Variants in ABI3BP observed in about 807,000 individuals in gnomAD.
ABI3BP encodes the protein target of Nesh-SH3.
Under a neutral mutation model 268.6 loss-of-function variants are expected in ABI3BP, and 216 were observed. That is an observed-to-expected ratio of 0.80 (90% CI 0.72 to 0.90). ABI3BP has a LOEUF of 0.90. Ranked by LOEUF, ABI3BP falls within the 40% of genes least tolerant of loss-of-function variation. The pLI is 0.00. For missense variants in ABI3BP, 2,090 were observed against 2,182.4 expected (o/e 0.96, Z 0.84); for synonymous variants, 730 against 730.0 (o/e 1.00, Z 0.00).
At chr3:100,896,794 G>T (rs1004585776) in intron 4 of ABI3BP, among the ~76,000 whole-genome samples, 1 of 152,096 alleles carries the variant, frequency 6.6e-6, no homozygotes, top group Admixed American at 6.5e-5. Context: ...ATAAGTCATG[G>T]GATTAGTGGT....
At chr3:100,922,748 T>C (rs1258199200) in intron 2 of ABI3BP, among the ~76,000 whole-genome samples, 1 of 152,180 alleles carries the variant, frequency 6.6e-6, no homozygotes, top group African/African-American at 2.4e-5. Flanking sequence ...ACCTTGATTT[T>C]AGCTCAGTGA....
At chr3:100,852,953 G>A (rs1503842) in intron 14 of ABI3BP, among the ~76,000 whole-genome samples, 35,900 of 152,088 alleles carry the variant, frequency 0.24, 4,409 homozygotes, top group South Asian at 0.31. Flanking sequence ...ATTATTACGA[G>A]GTAGATGTTG....
rs978373519 is a variant in ABI3BP at position 100,993,329 on chromosome 3, C to T, written c.56G>A (p.Gly19Glu). 2.6e-6 allele frequency: 4 copies of T among 1,552,388 alleles called. No homozygotes were observed. Among genetic ancestry groups the T allele is most frequent in the Admixed American group, 2.0e-5 (1 of 51,216 alleles). Residue 19 changes from glycine to glutamate, a missense_variant, in exon 1 of 68, where the codon GGA (glycine) becomes GAA (glutamate). By Grantham distance (98) the Gly-to-Glu change is moderately conservative (BLOSUM62 -2). Coordinates refer to ENST00000471714, the MANE Select transcript of ABI3BP (RefSeq NM_001375547.2). ...LLCGSITLALGNAQKLPKGKR... is the reference protein window; with the variant it reads ...LLCGSITLALENAQKLPKGKR... The stretch of plus-strand genomic sequence containing the variant: ...GCCTTTTGGCAATTTCTGTGCATTT[C>T]CCAGGGCTAGTGTAATACTTCCACA...
intron 1 of ABI3BP, among the ~76,000 whole-genome samples, chr3:100,934,512 TG>T (rs1171563303): frequency 6.6e-6 from 1 of 152,200 alleles, no homozygotes; most frequent in Non-Finnish European, 1.5e-5. Context: ...ATGGGATTGC[TG>T]GGTCAAATGG....
At chr3:100,823,236 C>T (rs1291773275) in intron 37 of ABI3BP, among the ~76,000 whole-genome samples, 2 of 152,034 alleles carry the variant, frequency 1.3e-5, no homozygotes, top group East Asian at 1.9e-4. Flanking sequence ...AAACAAAACA[C>T]AGAATAACAT....
At chr3:100,877,623 C>T (rs1237522016) in intron 6 of ABI3BP, among the ~76,000 whole-genome samples, 3 of 152,100 alleles carry the variant, frequency 2.0e-5, no homozygotes, top group African/African-American at 7.2e-5. Context: ...AAGGATAAGA[C>T]AGACTTAGAG....
intron 63 of ABI3BP, among the ~76,000 whole-genome samples, chr3:100,755,364 GT>G (rs1273974715): frequency 1.3e-5 from 2 of 152,194 alleles, no homozygotes; most frequent in African/African-American, 4.8e-5. Flanking sequence ...ACACATAAAT[GT>G]TTCTTTGCAA....
intron 63 of ABI3BP, among the ~76,000 whole-genome samples, chr3:100,760,888 T>G (rs1039111683): frequency 1.3e-5 from 2 of 152,096 alleles, no homozygotes; most frequent in African/African-American, 4.8e-5. Flanking sequence ...GAGGGTTTTT[T>G]TTTTAAATTT....
At chr3:100,817,249 AAAT>A in intron 42 of ABI3BP, among the ~76,000 whole-genome samples, 184 bp downstream of exon 42, 1 of 152,332 alleles carries the variant, frequency 6.6e-6, no homozygotes, top group Non-Finnish European at 1.5e-5. Context: ...TAGCTTTTGA[AAAT>A]AATAGGTAAC....
chr3:100,829,768 T>G (rs1026065185), intron 32 of ABI3BP, 104 bp from the exon 33 acceptor site: 1 of 939,548 alleles, frequency 1.1e-6, no homozygotes, highest in Non-Finnish European at 1.6e-6. Flanking sequence ...ATGTTTCTTT[T>G]GGGTTTGAAA....
intron 3 of ABI3BP, among the ~76,000 whole-genome samples, chr3:100,900,323 CT>C (rs2049677721): frequency 6.6e-6 from 1 of 152,164 alleles, no homozygotes; most frequent in Admixed American, 6.5e-5. Context: ...GTGATCTTCC[CT>C]TTTCAATTCC....
At chr3:100,785,867 G>T (rs752345593) in intron 57 of ABI3BP, among the ~76,000 whole-genome samples, 1 of 152,074 alleles carries the variant, frequency 6.6e-6, no homozygotes, top group Non-Finnish European at 1.5e-5. Flanking sequence ...TTAAAATTTT[G>T]TCTAGGTTGT....
chr3:100,840,760 C>T, intron 22 of ABI3BP, 60 bp downstream of exon 22: 1 of 1,399,424 alleles, frequency 7.1e-7, no homozygotes, highest in Non-Finnish European at 9.7e-7. Flanking sequence ...AGTCTGTCAA[C>T]ACAGATACCA....
intron 43 of ABI3BP, chr3:100,816,229 T>C: frequency 4.1e-6 from 2 of 483,406 alleles, no homozygotes; most frequent in Non-Finnish European, 7.2e-6. Flanking sequence ...TATTTGGTTT[T>C]CTAACTAGTA....
At chr3:100,865,454 C>T (rs1378824285) in intron 10 of ABI3BP, among the ~76,000 whole-genome samples, 1 of 152,110 alleles carries the variant, frequency 6.6e-6, no homozygotes, top group Non-Finnish European at 1.5e-5. Flanking sequence ...TTTAAATGCT[C>T]AGCCACAGAT....
At chr3:100,783,794 T>A (rs1401897553) in intron 57 of ABI3BP, among the ~76,000 whole-genome samples, 2 of 152,218 alleles carry the variant, frequency 1.3e-5, no homozygotes, top group Non-Finnish European at 2.9e-5. Flanking sequence ...CGTAGATGTG[T>A]TTCCAATAAA....
rs2096825989 is a variant in ABI3BP, at chr3:100,780,141, T to C, written c.4231A>G (p.Lys1411Glu). 6.2e-7 allele frequency: 1 copy of C among 1,612,964 alleles called. No homozygotes were observed. Residue 1411 changes from lysine to glutamate, a missense_variant, in exon 58 of 68, where the codon AAA becomes GAA. Physicochemically the swap from Lys to Glu is moderately conservative, Grantham distance 56 (BLOSUM62 1). Transcript: ENST00000471714. ...GCATGTTATTACTTACCTGGCTTTT[T>C]AGTGGGGTGGGTAGAGTCCACTGAT... The part of the protein sequence containing the change: ...NVSVDSTHPT[K>E]KPGTRRPPLP...
chr3:100,939,033 T>G (rs913811961), intron 1 of ABI3BP, among the ~76,000 whole-genome samples: 1 of 152,114 alleles, frequency 6.6e-6, no homozygotes, highest in Non-Finnish European at 1.5e-5. Context: ...TTTCTAAATT[T>G]AAAGTTCTTA....
At position 100,930,357 on chromosome 3, in the gene ABI3BP, C is replaced by T. The variant is rs188265419; in HGVS notation, c.80-3876G>A. Among the ~76,000 whole-genome samples, 17 of 151,926 alleles carry T rather than the reference C, an allele frequency of 1.1e-4. No individual in the cohort carries two copies. The South Asian group carries it at 1.2e-3, about 11-fold the overall frequency. On this transcript the variant is annotated intron_variant, in intron 1 of 67. Transcript: ENST00000471714. ...ATTTTGGGAAAGTAACACTAGTAGG[C>T]CTTAGACAAAAAATTGCATATTTGC...
Sources: allele counts gnomAD v4.1 joint callset (sites outside exome capture counted in the v4.1 genomes callset), GRCh38; gene constraint gnomAD v4.1.1; transcripts MANE v1.5; gene names NCBI Gene and HGNC (gene_info 2026-07-23, HGNC 2026-07-21).